The following ZSWIM5 variants were observed in gnomAD, a reference collection of about 807,000 sequenced individuals.
ZSWIM5 encodes the protein zinc finger SWIM domain-containing protein 5.
Under a neutral mutation model 119.6 loss-of-function variants are expected in ZSWIM5, and 55 were observed. The ratio of observed to expected loss-of-function variants is 0.46; its 90% CI spans 0.37 to 0.58. The LOEUF (loss-of-function observed/expected upper bound fraction) is 0.58. Ranked by LOEUF, ZSWIM5 falls within the 20% of genes least tolerant of loss-of-function variation. The pLI, the probability that ZSWIM5 is intolerant of heterozygous loss-of-function variation, is 0.00. For missense variants in ZSWIM5, 1,193 were observed against 1,512.8 expected (o/e 0.79, Z 3.51); for synonymous variants, 537 against 606.9 (o/e 0.88, Z 1.69).
At chr1:45,157,505 CTT>C (rs747711328) in intron 1 of ZSWIM5, among the ~76,000 whole-genome samples, 18 of 152,088 alleles carry the variant, frequency 1.2e-4, no homozygotes, top group Non-Finnish European at 2.2e-4. Context: ...CATTCATGTT[CTT>C]TTTATGTATC....
intron 11 of ZSWIM5, among the ~76,000 whole-genome samples, chr1:45,028,455 A>T (rs1379814710): frequency 1.3e-5 from 2 of 152,150 alleles, no homozygotes; most frequent in Non-Finnish European, 2.9e-5. Flanking sequence ...CACCTTTGTC[A>T]ACACACTTTT....
intron 1 of ZSWIM5, among the ~76,000 whole-genome samples, chr1:45,154,698 A>G (rs949278506): frequency 6.6e-6 from 1 of 152,048 alleles, no homozygotes; most frequent in African/African-American, 2.4e-5. Flanking sequence ...CCTGGCCAAC[A>G]ATGATGAAAC....
At chr1:45,083,766 A>G (rs996221672) in intron 2 of ZSWIM5, among the ~76,000 whole-genome samples, 13 of 152,220 alleles carry the variant, frequency 8.5e-5, no homozygotes, top group African/African-American at 2.2e-4. Context: ...GAAAAGTTTA[A>G]TTGGCTCACT....
chr1:45,081,504 G>C (rs1450018217), intron 2 of ZSWIM5, among the ~76,000 whole-genome samples: 1 of 152,252 alleles, frequency 6.6e-6, no homozygotes, highest in Non-Finnish European at 1.5e-5. Context: ...GTGGAGACGG[G>C]GTTTCGCTGT....
At position 45,016,549 on chromosome 1, in the gene ZSWIM5, A is replaced by T. The variant is rs1417382587; in HGVS notation, c.*1905T>A. The T allele has an allele frequency of 6.6e-6, 1 of 152,192 alleles. No individual in the cohort carries two copies. The highest frequency in any genetic ancestry group is 1.5e-5 in the Non-Finnish European group (1 of 68,028). 9.4% of individuals were successfully genotyped at this position (152,192 alleles called of 1,614,324 possible). Reference sequence around the variant, plus strand: ...TAACCAACCCATTGGGCTGAGACGTAGGGGCCCTTGGCTGGACAGTAAGAC... The same window carrying T: ...TAACCAACCCATTGGGCTGAGACGTTGGGGCCCTTGGCTGGACAGTAAGAC... On this transcript the variant is annotated 3_prime_UTR_variant, in exon 14 of 14. Coordinates refer to ENST00000359600, the MANE Select transcript of ZSWIM5 (RefSeq NM_020883.2).
At position 45,139,133 on chromosome 1, in the gene ZSWIM5, C is replaced by T. The variant is rs530671789; in HGVS notation, c.596-50896G>A. 5.9e-5 allele frequency among the ~76,000 whole-genome samples: 9 copies of T among 152,032 alleles called. No homozygotes were observed. The East Asian group carries it at 1.8e-3, about 30-fold the overall frequency. Reference sequence around the variant, plus strand: ...CTGACCTCAAATGGTCCGCCTGCCTCGGCCTCCCAAAGTGCTGAGATTACA... The same window carrying T: ...CTGACCTCAAATGGTCCGCCTGCCTTGGCCTCCCAAAGTGCTGAGATTACA... On this transcript the variant is annotated intron_variant, in intron 1 of 13. Transcript: ENST00000359600.
In ZSWIM5 at chr1:45,206,155, G is replaced by T. The variant is rs1332049774; in HGVS notation, c.196C>A (p.Leu66Met). The change falls in exon 1 of 14, where the codon CTG becomes ATG. Residue 66 changes from leucine to methionine, a missense_variant. By Grantham distance (15) the Leu-to-Met change is conservative. This residue lies in a region of ZSWIM5 where 232 missense variants were observed against 222.9 expected (regional missense o/e 1.04). Coordinates refer to ENST00000359600, the MANE Select transcript of ZSWIM5 (RefSeq NM_020883.2). ...ARPHLQPDSL[L>M]DCAAKTVAEK... ...GCCACCGTCTTGGCGGCGCAGTCCA[G>T]TAAGGAATCCGGCTGCAGGTGGGGG... The T allele has an allele frequency of 6.2e-7, 1 of 1,609,662 alleles. No individual in the cohort carries two copies. The highest frequency in any genetic ancestry group is 8.5e-7 in the Non-Finnish European group (1 of 1,178,816).
chr1:45,062,140 G>T (rs964584845), intron 2 of ZSWIM5, among the ~76,000 whole-genome samples: 1 of 152,078 alleles, frequency 6.6e-6, no homozygotes, highest in African/African-American at 2.4e-5. Flanking sequence ...ACCATGTAGT[G>T]CAATAGATTA....
chr1:45,150,449 T>G (rs1645789837), intron 1 of ZSWIM5, among the ~76,000 whole-genome samples: 1 of 152,124 alleles, frequency 6.6e-6, no homozygotes, highest in African/African-American at 2.4e-5. Context: ...CTTAAAAAGT[T>G]GAACACAATT....
intron 1 of ZSWIM5, among the ~76,000 whole-genome samples, chr1:45,146,922 G>A (rs1020828484): frequency 6.6e-5 from 10 of 152,034 alleles, no homozygotes; most frequent in African/African-American, 2.4e-4. Flanking sequence ...GTTATTAACT[G>A]TGAATCTAAC....
At position 45,088,353 on chromosome 1, in the gene ZSWIM5, G is replaced by A. The variant is rs346703; in HGVS notation, c.596-116C>T. 39,828 of 706,262 alleles carry A rather than the reference G, an allele frequency of 0.056. 1,341 individuals are homozygous for A. The highest frequency in any genetic ancestry group is 0.11 in the East Asian group (3,836 of 36,446). The allele number at this position is 706,262 out of a possible 1,614,324, so 43.7% of individuals were successfully genotyped here. ...TATGTATTGGGTATCTCCTACACAC[G>A]TACATGATAGGCTTTGCCACAGACA... On this transcript the variant is annotated intron_variant, in intron 1 of 13. Coordinates refer to ENST00000359600, the MANE Select transcript of ZSWIM5 (RefSeq NM_020883.2). The surrounding 1 kb of genome is among the most constrained non-coding windows in gnomAD (Gnocchi z 4.2).
intron 2 of ZSWIM5, among the ~76,000 whole-genome samples, chr1:45,079,975 T>C (rs540150357): frequency 6.6e-6 from 1 of 152,270 alleles, no homozygotes; most frequent in East Asian, 1.9e-4. Flanking sequence ...CCTATCCTGG[T>C]GTGGCTGAGC....
chr1:45,161,414 T>G lies in ZSWIM5; in HGVS notation c.595+44342A>C, dbSNP rs12751928. Among the ~76,000 whole-genome samples the G allele has an allele frequency of 1.7e-4, 26 of 152,342 alleles. No homozygotes were observed. The South Asian group carries it at 5.4e-3, about 32-fold the overall frequency. Reference sequence around the variant, plus strand: ...CCTTCTCTCTGCATCCTTGCAAGCATCTGTTATTTTTTGTATTTTTAATAA... The same window carrying G: ...CCTTCTCTCTGCATCCTTGCAAGCAGCTGTTATTTTTTGTATTTTTAATAA... On this transcript the variant is annotated intron_variant, in intron 1 of 13. Transcript: ENST00000359600.
intron 1 of ZSWIM5, among the ~76,000 whole-genome samples, chr1:45,141,393 A>G (rs553028983): frequency 6.6e-6 from 1 of 152,350 alleles, no homozygotes; most frequent in African/African-American, 2.4e-5. Flanking sequence ...GATCACAGAG[A>G]TGAAGAACTC....
intron 2 of ZSWIM5, among the ~76,000 whole-genome samples, chr1:45,069,018 C>T: frequency 6.6e-6 from 1 of 151,274 alleles, no homozygotes; most frequent in East Asian, 1.9e-4. Context: ...TACTTTGTTG[C>T]CCAGGCTGGT....
chr1:45,136,678 C>T (rs1222478885), intron 1 of ZSWIM5, among the ~76,000 whole-genome samples: 2 of 152,140 alleles, frequency 1.3e-5, no homozygotes, highest in Admixed American at 1.3e-4. Flanking sequence ...TTACCTTCCT[C>T]CAAAAATTTA....
intron 1 of ZSWIM5, among the ~76,000 whole-genome samples, chr1:45,140,823 T>G (rs1248747618): frequency 6.6e-6 from 1 of 152,250 alleles, no homozygotes; most frequent in South Asian, 2.1e-4. Flanking sequence ...TATTTGAAGA[T>G]GCTGAAAAGT....
At chr1:45,185,820 A>C (rs1234881127) in intron 1 of ZSWIM5, among the ~76,000 whole-genome samples, 3 of 152,230 alleles carry the variant, frequency 2.0e-5, no homozygotes, top group Non-Finnish European at 4.4e-5. Context: ...AAACTAGTTC[A>C]ACCATTGTGG....
intron 1 of ZSWIM5, among the ~76,000 whole-genome samples, chr1:45,185,131 G>C (rs897148684): frequency 1.3e-4 from 20 of 152,116 alleles, no homozygotes; most frequent in East Asian, 5.8e-4. Flanking sequence ...ACAAACCTGA[G>C]AAAAACAAGC....
Sources: allele counts gnomAD v4.1 joint callset (sites outside exome capture counted in the v4.1 genomes callset), GRCh38; gene constraint gnomAD v4.1.1; regional missense constraint gnomAD v4.1.1; non-coding constraint Gnocchi (gnomAD v3.1); transcripts MANE v1.5; gene names NCBI Gene and HGNC (gene_info 2026-07-23, HGNC 2026-07-21).